NCOR1: variants seen among roughly 807,000 people sequenced by gnomAD.
NCOR1 encodes nuclear receptor corepressor 1.
A neutral mutation model predicts 288.1 loss-of-function variants in NCOR1; 63 were observed. The observed-to-expected ratio is 0.22, with a 90% CI of 0.18 to 0.27. NCOR1 has a LOEUF of 0.27. Ranked by LOEUF, NCOR1 falls within the 10% of genes least tolerant of loss-of-function variation. The pLI is 1.00. For missense variants in NCOR1, 2,397 were observed against 3,019.2 expected, an observed-to-expected ratio of 0.79 and a Z score of 4.83; for synonymous variants, 1,007 against 1,065.9, an observed-to-expected ratio of 0.94 and a Z score of 1.08.
At chr17:16,129,207 T>A (rs756329359) in intron 14 of NCOR1, among the ~76,000 whole-genome samples, 4 of 152,176 alleles carry the variant, frequency 2.6e-5, no homozygotes, top group Non-Finnish European at 5.9e-5. Context: ...AATTGCCTCC[T>A]CATTAGCAGT....
intron 12 of NCOR1, 33 bp from the exon 13 acceptor site, chr17:16,138,245 G>A (rs368037012): frequency 1.7e-5 from 26 of 1,554,524 alleles, no homozygotes; most frequent in Admixed American, 1.1e-4. Flanking sequence ...ACACACTTGC[G>A]TACAAATATT....
intron 21 of NCOR1, among the ~76,000 whole-genome samples, chr17:16,092,693 ATATTTTTTTT>A (rs1413911912): frequency 1.6e-3 from 21 of 12,760 alleles, no homozygotes; most frequent in South Asian, 5.2e-3. Context: ...ATATATATAT[ATATTTTTTTT>A]TTTTTTTTTT....
intron 11 of NCOR1, among the ~76,000 whole-genome samples, chr17:16,141,844 G>C (rs2077203789): frequency 6.6e-6 from 1 of 152,200 alleles, no homozygotes; most frequent in African/African-American, 2.4e-5. Context: ...CACAGTTCCA[G>C]AGTCAGACTG....
At chr17:16,182,516 A>G (rs178825) in intron 3 of NCOR1, among the ~76,000 whole-genome samples, 80,098 of 152,058 alleles carry the variant, frequency 0.53, 21,547 homozygotes, top group Middle Eastern at 0.61. Context: ...GTCCAGTGGC[A>G]CAATCTTGGC....
chr17:16,175,384 A>C (rs111542468), intron 3 of NCOR1, among the ~76,000 whole-genome samples: 8 of 152,248 alleles, frequency 5.3e-5, no homozygotes, highest in African/African-American at 1.9e-4. Context: ...TAAAAAAAAA[A>C]AAACTCTGTA....
chr17:16,095,206 T>A (rs1348365700), intron 21 of NCOR1, among the ~76,000 whole-genome samples: 1 of 146,940 alleles, frequency 6.8e-6, no homozygotes, highest in South Asian at 2.2e-4. Context: ...GGGGAGCGCC[T>A]CTACCCCGCC....
intron 26 of NCOR1, among the ~76,000 whole-genome samples, chr17:16,078,998 G>T (rs947444244): frequency 1.3e-5 from 2 of 152,108 alleles, no homozygotes; most frequent in African/African-American, 4.8e-5. Context: ...AGTAAAATGG[G>T]GATTTTAATT....
At chr17:16,188,550 G>A (rs2087297333) in intron 2 of NCOR1, among the ~76,000 whole-genome samples, 1 of 151,760 alleles carries the variant, frequency 6.6e-6, no homozygotes, top group Non-Finnish European at 1.5e-5. Flanking sequence ...GGGGGAGGGT[G>A]CAGTGAGCTG....
rs1971869540 is a variant in NCOR1 at position 16,030,946 on chromosome 17, C to T, written c.*1350G>A. 5.1e-6 allele frequency: 1 copy of T among 195,646 alleles called. No homozygotes were observed. Among genetic ancestry groups the T allele is most frequent in the South Asian group, 1.9e-4 (1 of 5,194 alleles). The allele number at this position is 195,646 out of a possible 1,614,324, so 12.1% of individuals were successfully genotyped here. On this transcript the variant is annotated 3_prime_UTR_variant, in exon 46 of 46. Transcript: ENST00000268712. The stretch of plus-strand genomic sequence containing the variant: ...TATCATCCTGAGAGATCTGTTTCTC[C>T]CCTTTCCAGTTACCAGTGGCATTCT...
At chr17:16,160,081 C>T (rs1599645767) in intron 5 of NCOR1, among the ~76,000 whole-genome samples, 1 of 152,078 alleles carries the variant, frequency 6.6e-6, no homozygotes. Flanking sequence ...ATCCACCTGC[C>T]TTGGCCTCTC....
intron 14 of NCOR1, among the ~76,000 whole-genome samples, chr17:16,136,886 CA>C (rs2076514572): frequency 6.7e-6 from 1 of 149,500 alleles, no homozygotes; most frequent in African/African-American, 2.5e-5. Context: ...GAAACAAAAT[CA>C]GGTTCCAGGT....
At chr17:16,136,806 CAA>C (rs60523446) in intron 14 of NCOR1, among the ~76,000 whole-genome samples, 1,296 of 111,780 alleles carry the variant, frequency 0.012, 30 homozygotes, top group African/African-American at 0.045. Context: ...GACTCTGTTT[CAA>C]AAAAAAAAAA....
intron 40 of NCOR1, among the ~76,000 whole-genome samples, chr17:16,054,740 G>A (rs890176118): frequency 3.3e-5 from 5 of 152,046 alleles, no homozygotes; most frequent in Non-Finnish European, 7.4e-5. Context: ...GACCAGCCTG[G>A]CCAACATAGT....
At chr17:16,126,251 A>C in intron 14 of NCOR1, 45 bp from the exon 15 acceptor site, 1 of 1,504,400 alleles carries the variant, frequency 6.6e-7, no homozygotes, top group Non-Finnish European at 8.8e-7. Flanking sequence ...GGCAAACAGA[A>C]ATAGCTCCTT....
At chr17:16,092,670 TATATATATATATATATATA>T (rs2065464094) in intron 21 of NCOR1, among the ~76,000 whole-genome samples, 4 of 15,876 alleles carry the variant, frequency 2.5e-4, no homozygotes, top group African/African-American at 9.3e-4. Context: ...TATATATATA[TATATATATATATATATATA>T]TATATATTTT....
intron 4 of NCOR1, among the ~76,000 whole-genome samples, chr17:16,170,923 A>G (rs575878233): frequency 6.6e-6 from 1 of 152,268 alleles, no homozygotes; most frequent in Admixed American, 6.5e-5. Context: ...AAAGATGGGT[A>G]AATAAAAATA....
chr17:16,213,405 A>G (rs1393747357), intron 1 of NCOR1, among the ~76,000 whole-genome samples: 1 of 149,452 alleles, frequency 6.7e-6, no homozygotes, highest in Non-Finnish European at 1.5e-5. Flanking sequence ...AGGCAGAAGA[A>G]TTGCTTGAAC....
At chr17:16,091,816 T>G (rs781415316) in intron 22 of NCOR1, 47 bp downstream of exon 22, 1 of 1,612,034 alleles carries the variant, frequency 6.2e-7, no homozygotes, top group Non-Finnish European at 8.5e-7. Context: ...GGTTTAGCTT[T>G]ATTTCCCTTC....
chr17:16,056,802 G>A (rs1293177358), intron 40 of NCOR1, among the ~76,000 whole-genome samples: 2 of 151,948 alleles, frequency 1.3e-5, no homozygotes, highest in African/African-American at 2.4e-5. Context: ...TTCCACTCAT[G>A]ATGCCACTAT....
Sources: allele counts gnomAD v4.1 joint callset (sites outside exome capture counted in the v4.1 genomes callset), GRCh38; gene constraint gnomAD v4.1.1; transcripts MANE v1.5; gene names NCBI Gene and HGNC (gene_info 2026-07-23, HGNC 2026-07-21).